Variants in ALK observed in about 807,000 individuals in gnomAD.
ALK encodes ALK receptor tyrosine kinase.
A neutral mutation model predicts 163.1 loss-of-function variants in ALK; 74 were observed. The observed-to-expected ratio is 0.45, with a 90% confidence interval of 0.38 to 0.55. The LOEUF (loss-of-function observed/expected upper bound fraction) is 0.55, where lower values mean the gene tolerates loss of function less well. Ranked by LOEUF, ALK falls within the 20% of genes least tolerant of loss-of-function variation. ALK has a pLI of 0.00. For synonymous variants in ALK, 960 were observed against 843.2 expected, an observed-to-expected ratio of 1.14 and a Z score of -2.40; for missense variants, 2,063 against 2,105.3, an observed-to-expected ratio of 0.98 and a Z score of 0.39.
chr2:29,367,095 T>C (rs1312551967), intron 5 of ALK, among the ~76,000 whole-genome samples: 1 of 152,176 alleles, frequency 6.6e-6, no homozygotes, highest in Non-Finnish European at 1.5e-5. Flanking sequence ...GTGTGCCTAT[T>C]ATCCATTTAA....
At chr2:29,749,769 T>C (rs1017855932) in intron 1 of ALK, among the ~76,000 whole-genome samples, 3 of 152,298 alleles carry the variant, frequency 2.0e-5, no homozygotes, top group African/African-American at 7.2e-5. Context: ...TTATCTATAA[T>C]ATATGGAAAC....
intron 3 of ALK, among the ~76,000 whole-genome samples, chr2:29,636,826 T>C (rs1444174477): frequency 6.6e-6 from 1 of 152,092 alleles, no homozygotes; most frequent in Non-Finnish European, 1.5e-5. Flanking sequence ...AGCTGGAAAA[T>C]AAGCACACGA....
At chr2:29,470,156 G>T (rs1266281060) in intron 4 of ALK, among the ~76,000 whole-genome samples, 1 of 151,992 alleles carries the variant, frequency 6.6e-6, no homozygotes, top group Non-Finnish European at 1.5e-5. Flanking sequence ...TTAGGATACT[G>T]GAAGAGAGAC....
chr2:29,858,625 C>T (rs1303987781), intron 1 of ALK, among the ~76,000 whole-genome samples: 7 of 151,982 alleles, frequency 4.6e-5, no homozygotes, highest in African/African-American at 1.7e-4. Context: ...CACCTGTAGT[C>T]CCAGCTATGC....
intron 3 of ALK, among the ~76,000 whole-genome samples, chr2:29,598,034 T>A (rs1341666761): frequency 6.6e-6 from 1 of 152,176 alleles, no homozygotes; most frequent in Non-Finnish European, 1.5e-5. Flanking sequence ...CAGAGAGTAC[T>A]GTTATTTTTT....
chr2:29,432,211 G>A (rs1670288571), intron 4 of ALK, among the ~76,000 whole-genome samples: 1 of 152,110 alleles, frequency 6.6e-6, no homozygotes, highest in Non-Finnish European at 1.5e-5. Context: ...TGGTCGTAGT[G>A]GAAGGTGTTT....
In ALK at chr2:29,616,080, G is replaced by A. The variant is rs375899660; in HGVS notation, c.952+78770C>T. Among the ~76,000 whole-genome samples, 36 of 152,330 alleles carry A rather than the reference G, an allele frequency of 2.4e-4. No individual in the cohort carries two copies. In the East Asian group the frequency reaches 4.8e-3, roughly 20 times the overall value. ...ACCCAGACCCTGCTCTGGTGAGGCCGACATCTCTACAGCGGACCTCACGGA... is the reference window on the plus strand; with the variant it reads ...ACCCAGACCCTGCTCTGGTGAGGCCAACATCTCTACAGCGGACCTCACGGA... On this transcript the variant is annotated intron_variant, in intron 3 of 28. Coordinates refer to ENST00000389048, the MANE Select transcript of ALK (RefSeq NM_004304.5).
intron 1 of ALK, among the ~76,000 whole-genome samples, chr2:29,750,674 A>C (rs1391547283): frequency 1.5e-5 from 2 of 136,502 alleles, no homozygotes; most frequent in African/African-American, 5.3e-5. Context: ...GAAGGAAGGA[A>C]GGAAGGAAGG....
intron 3 of ALK, among the ~76,000 whole-genome samples, chr2:29,594,901 T>C (rs56103812): frequency 1.4e-4 from 4 of 29,376 alleles, no homozygotes; most frequent in East Asian, 8.7e-4. Context: ...AAATGGGGGG[T>C]GGGGGGCGGG....
chr2:29,246,447 G>T lies in ALK; in HGVS notation c.2204+4658C>A, dbSNP rs538006655. 6.6e-6 allele frequency among the ~76,000 whole-genome samples: 1 copy of T among 152,230 alleles called. No individual in the cohort carries two copies. The highest frequency in any genetic ancestry group is 1.5e-5 in the Non-Finnish European group (1 of 68,014). The stretch of plus-strand genomic sequence containing the variant: ...TAATCCACGTTCTTCTCATGGCACT[G>T]CAGTGGCCTCCCACTCTCCCATCCG... On this transcript the variant is annotated intron_variant, in intron 12 of 28. Transcript: ENST00000389048. The surrounding 1 kb of genome is among the most constrained non-coding windows in gnomAD (Gnocchi z 4.3).
At chr2:29,396,892 C>T (rs540300964) in intron 4 of ALK, among the ~76,000 whole-genome samples, 1 of 115,298 alleles carries the variant, frequency 8.7e-6, no homozygotes, top group Admixed American at 1.2e-4. Flanking sequence ...GATCAAGGCT[C>T]ATCTTGGTGT....
chr2:29,742,242 C>T (rs149477042), intron 1 of ALK, among the ~76,000 whole-genome samples: 1 of 152,338 alleles, frequency 6.6e-6, no homozygotes, highest in East Asian at 1.9e-4. Flanking sequence ...AATCCTAAGG[C>T]AGGCTTGCTG....
chr2:29,401,698 G>T, intron 4 of ALK, among the ~76,000 whole-genome samples: 1 of 152,092 alleles, frequency 6.6e-6, no homozygotes, highest in East Asian at 1.9e-4. Context: ...CCTGTCTAGC[G>T]CCTCCCACGC....
At chr2:29,913,450 A>G (rs2148438911) in intron 1 of ALK, among the ~76,000 whole-genome samples, 1 of 152,328 alleles carries the variant, frequency 6.6e-6, no homozygotes, top group South Asian at 2.1e-4. Context: ...CCTGGTCATC[A>G]CAAGGTTAAG....
intron 8 of ALK, among the ~76,000 whole-genome samples, chr2:29,316,419 A>G (rs1666837712): frequency 6.6e-6 from 1 of 151,974 alleles, no homozygotes; most frequent in African/African-American, 2.4e-5. Flanking sequence ...AGCAAATTAG[A>G]CTGCAGGAAA....
In ALK at chr2:29,616,516, C is replaced by T. The variant is rs76161157; in HGVS notation, c.952+78334G>A. 5.4e-3 allele frequency among the ~76,000 whole-genome samples: 819 copies of T among 152,236 alleles called. 13 individuals are homozygous for T. The highest frequency in any genetic ancestry group is 0.018 in the African/African-American group (744 of 41,556). ...TTGTAATCTGAGAGACCAAAACAGA[C>T]GCCCCCTGATGAACTAAGACAGACA... On this transcript the variant is annotated intron_variant, in intron 3 of 28. Coordinates refer to ENST00000389048, the MANE Select transcript of ALK (RefSeq NM_004304.5).
At chr2:29,261,570 T>C (rs942967464) in intron 11 of ALK, among the ~76,000 whole-genome samples, 1 of 152,188 alleles carries the variant, frequency 6.6e-6, no homozygotes, top group Non-Finnish European at 1.5e-5. Context: ...TTTTCAGATT[T>C]CACCTCAGGG....
At chr2:29,444,812 G>A (rs371013651) in intron 4 of ALK, among the ~76,000 whole-genome samples, 7 of 152,032 alleles carry the variant, frequency 4.6e-5, no homozygotes, top group Non-Finnish European at 8.8e-5. Flanking sequence ...TGAATAAGTC[G>A]GCCCTGGAAG....
chr2:29,223,005 G>T (rs540670474), intron 20 of ALK, among the ~76,000 whole-genome samples: 1 of 152,262 alleles, frequency 6.6e-6, no homozygotes, highest in Admixed American at 6.5e-5. Flanking sequence ...GACAGAGGAA[G>T]GCGCAGTTGC....
Sources: allele counts gnomAD v4.1 joint callset (sites outside exome capture counted in the v4.1 genomes callset), GRCh38; gene constraint gnomAD v4.1.1; non-coding constraint Gnocchi (gnomAD v3.1); transcripts MANE v1.5; gene names NCBI Gene and HGNC (gene_info 2026-07-23, HGNC 2026-07-21).